MAP2K5: variants seen among roughly 807,000 people sequenced by gnomAD.
MAP2K5 encodes dual specificity mitogen-activated protein kinase kinase 5.
In MAP2K5, 49 loss-of-function variants were observed where a neutral mutation model predicts 83.1. The observed-to-expected ratio is 0.59, with a 90% confidence interval of 0.47 to 0.75. The LOEUF is 0.75. Among genes scored for constraint, MAP2K5 ranks in the 30% least tolerant of loss-of-function variants. MAP2K5 has a pLI of 0.00. For synonymous variants in MAP2K5, 202 were observed against 191.8 expected, an observed-to-expected ratio of 1.05 and a Z score of -0.44; for missense variants, 457 against 557.5, an observed-to-expected ratio of 0.82 and a Z score of 1.82.
chr15:67,581,871 A>G (rs370279354), intron 4 of MAP2K5, among the ~76,000 whole-genome samples: 14 of 152,276 alleles, frequency 9.2e-5, no homozygotes, highest in East Asian at 5.8e-4. Context: ...AGGAGTGCTT[A>G]GTATATTACT....
At chr15:67,689,079 A>C (rs1042014632) in intron 13 of MAP2K5, among the ~76,000 whole-genome samples, 2 of 152,204 alleles carry the variant, frequency 1.3e-5, no homozygotes, top group African/African-American at 4.8e-5. Flanking sequence ...CAAAAACATT[A>C]AGTAACTCTT....
chr15:67,605,686 T>G (rs2085763516), intron 8 of MAP2K5, among the ~76,000 whole-genome samples: 3 of 152,184 alleles, frequency 2.0e-5, no homozygotes, highest in African/African-American at 7.2e-5. Flanking sequence ...CTTGGTGTTC[T>G]TCCCCCAGGC....
chr15:67,792,023 A>C (rs1321006792), intron 21 of MAP2K5, among the ~76,000 whole-genome samples: 1 of 152,186 alleles, frequency 6.6e-6, no homozygotes, highest in Admixed American at 6.5e-5. Context: ...CAGGCAGAGG[A>C]GGGGCAGGGC....
chr15:67,672,958 G>T (rs2087582841), intron 13 of MAP2K5, among the ~76,000 whole-genome samples: 1 of 152,110 alleles, frequency 6.6e-6, no homozygotes, highest in African/African-American at 2.4e-5. Flanking sequence ...GTTTGTCAAA[G>T]ATCAGATAGT....
intron 2 of MAP2K5, among the ~76,000 whole-genome samples, chr15:67,556,884 G>C (rs1050168320): frequency 6.6e-6 from 1 of 152,014 alleles, no homozygotes; most frequent in Admixed American, 6.6e-5. Flanking sequence ...ACCATCTTCA[G>C]TTTATTTTGG....
chr15:67,726,420 A>G (rs892024390), intron 16 of MAP2K5, among the ~76,000 whole-genome samples: 1 of 152,262 alleles, frequency 6.6e-6, no homozygotes, highest in Non-Finnish European at 1.5e-5. Flanking sequence ...TTAGTCTACA[A>G]ATAATTTACA....
intron 8 of MAP2K5, chr15:67,628,216 C>A: frequency 4.2e-6 from 3 of 720,756 alleles, no homozygotes; most frequent in South Asian, 1.5e-5. Flanking sequence ...GTGCAGTGGC[C>A]CATGCCTGTA....
In MAP2K5 at chr15:67,790,407, T is replaced by C. The variant is rs540042797; in HGVS notation, c.1243-16239T>C. ...CCCAAGGTCCCATTGCATTATATCA[T>C]GCAATAAAAATACCCTTTTCATATC... On this transcript the variant is annotated intron_variant, in intron 21 of 21. Coordinates refer to ENST00000178640, the MANE Select transcript of MAP2K5 (RefSeq NM_145160.3). The surrounding 1 kb of genome is among the most constrained non-coding windows in gnomAD (Gnocchi z 4.6). 1.3e-5 allele frequency among the ~76,000 whole-genome samples: 2 copies of C among 152,354 alleles called. No homozygotes were observed. Among genetic ancestry groups the C allele is most frequent in the Admixed American group, 1.3e-4 (2 of 15,310 alleles).
chr15:67,805,854 G>A (rs1049049656), intron 21 of MAP2K5, among the ~76,000 whole-genome samples: 5 of 152,214 alleles, frequency 3.3e-5, no homozygotes, highest in African/African-American at 1.2e-4. Context: ...TGGTAACCCT[G>A]GGGTTGTCCC....
chr15:67,627,532 A>C (rs1008381638), intron 8 of MAP2K5, among the ~76,000 whole-genome samples: 6 of 152,234 alleles, frequency 3.9e-5, no homozygotes, highest in African/African-American at 1.2e-4. Flanking sequence ...TATTTGGATA[A>C]GTATATACAT....
At chr15:67,580,464 G>A (rs1369429767) in intron 3 of MAP2K5, among the ~76,000 whole-genome samples, 1 of 152,172 alleles carries the variant, frequency 6.6e-6, no homozygotes, top group Non-Finnish European at 1.5e-5. Flanking sequence ...AATGCTTTAT[G>A]TGTCGTCTAA....
intron 15 of MAP2K5, among the ~76,000 whole-genome samples, chr15:67,700,316 A>G (rs1361032714): frequency 6.6e-6 from 1 of 152,170 alleles, no homozygotes; most frequent in Non-Finnish European, 1.5e-5. Flanking sequence ...GTTCTTATTA[A>G]GAACAGGTCA....
chr15:67,696,312 T>C (rs2088257627), intron 15 of MAP2K5, among the ~76,000 whole-genome samples: 1 of 152,122 alleles, frequency 6.6e-6, no homozygotes. Context: ...GTAAATAAAG[T>C]TTTATTGGAA....
chr15:67,558,037 A>G (rs1328792740), intron 2 of MAP2K5, among the ~76,000 whole-genome samples: 1 of 152,182 alleles, frequency 6.6e-6, no homozygotes, highest in Non-Finnish European at 1.5e-5. Context: ...TTGGCTGGAA[A>G]TATTACTGAT....
chr15:67,666,735 A>G (rs2414973), intron 13 of MAP2K5, among the ~76,000 whole-genome samples: 152,286 of 152,312 alleles, frequency 1, 76,130 homozygotes, highest in Non-Finnish European at 1. Flanking sequence ...CAATTCCTAC[A>G]GAGAGTAGCC....
chr15:67,643,094 C>G (rs1351871626), intron 9 of MAP2K5, among the ~76,000 whole-genome samples: 1 of 151,990 alleles, frequency 6.6e-6, no homozygotes, highest in Admixed American at 6.6e-5. Context: ...TGGGGTAAAG[C>G]CTGCACCTTG....
intron 3 of MAP2K5, among the ~76,000 whole-genome samples, chr15:67,580,267 G>A (rs1016015574): frequency 7.9e-5 from 12 of 152,102 alleles, no homozygotes; most frequent in African/African-American, 2.9e-4. Flanking sequence ...CTTTGGATGG[G>A]TCATATTTTG....
chr15:67,754,190 G>A (rs60344746), intron 19 of MAP2K5, among the ~76,000 whole-genome samples: 21,451 of 152,168 alleles, frequency 0.14, 1,574 homozygotes, highest in East Asian at 0.23. Context: ...TCTTTTTAGG[G>A]TGGTAGAAAT....
chr15:67,645,109 T>A (rs1596712491), intron 9 of MAP2K5, among the ~76,000 whole-genome samples: 1 of 152,036 alleles, frequency 6.6e-6, no homozygotes, highest in South Asian at 2.1e-4. Flanking sequence ...GAGACAGAGG[T>A]TGCAGTAAGC....
Sources: allele counts gnomAD v4.1 joint callset (sites outside exome capture counted in the v4.1 genomes callset), GRCh38; gene constraint gnomAD v4.1.1; non-coding constraint Gnocchi (gnomAD v3.1); transcripts MANE v1.5; gene names NCBI Gene and HGNC (gene_info 2026-07-23, HGNC 2026-07-21).